Variants in ATG12 observed in about 807,000 individuals in gnomAD.
The protein encoded by ATG12 is ubiquitin-like protein ATG12.
A neutral mutation model predicts 17.6 loss-of-function variants in ATG12; 19 were observed. That is an observed-to-expected ratio of 1.08 (90% CI 0.75 to 1.58). The LOEUF (loss-of-function observed/expected upper bound fraction) is 1.58. ATG12 is among the 40% of genes most tolerant of loss of function. The pLI, the probability that ATG12 is intolerant of heterozygous loss-of-function variation, is 0.00. For synonymous variants in ATG12, 75 were observed against 62.4 expected, an observed-to-expected ratio of 1.20 and a Z score of -0.95; for missense variants, 214 against 162.0, an observed-to-expected ratio of 1.32 and a Z score of -1.74.
intron 1 of ATG12, chr5:115,840,860 C>CT (rs1405705913): frequency 7.8e-7 from 1 of 1,277,756 alleles, no homozygotes; most frequent in Non-Finnish European, 1.0e-6. Flanking sequence ...ACATCTATGC[C>CT]TTTAGCTTTC....
intron 3 of ATG12, among the ~76,000 whole-genome samples, chr5:115,832,167 A>G (rs1406808315): frequency 1.3e-5 from 2 of 151,558 alleles, no homozygotes; most frequent in Non-Finnish European, 2.9e-5. Flanking sequence ...TAGTGGTGCT[A>G]GTATGTGTAC....
chr5:115,834,499 G>C (rs1761010255), intron 2 of ATG12: 1 of 152,212 alleles, frequency 6.6e-6, no homozygotes, highest in African/African-American at 2.4e-5. Flanking sequence ...AACTTGGGCA[G>C]ACAAAATTAG....
At chr5:115,839,462 G>A (rs1238620626) in intron 1 of ATG12, 1 of 152,100 alleles carries the variant, frequency 6.6e-6, no homozygotes, top group African/African-American at 2.4e-5. Context: ...ATCCCCTGGG[G>A]CTATCAATAA....
At position 115,841,449 on chromosome 5, in the gene ATG12, G is replaced by T. The variant is rs767053680; in HGVS notation, c.104C>A (p.Pro35Gln). The change falls in exon 1 of 4, where the codon CCG (proline) becomes CAG (glutamine). Residue 35 changes from proline to glutamine, a missense_variant. Coordinates refer to ENST00000509910, the MANE Select transcript of ATG12 (RefSeq NM_004707.4). ...TCCCGGGGAAACTGCAGCGGAAGAC[G>T]GGGGCTCCGGGGTGGTTGTTTCTGG... The part of the protein sequence containing the change: ...VSPETTTPEP[P>Q]SSAAVSPGTE... 1 of 1,609,652 alleles carries T rather than the reference G, an allele frequency of 6.2e-7. No homozygotes were observed. The highest frequency in any genetic ancestry group is 1.3e-5 in the African/African-American group (1 of 74,148).
intron 2 of ATG12, 100 bp downstream of exon 2, chr5:115,837,528 T>C (rs1761156611): frequency 2.4e-6 from 3 of 1,241,678 alleles, no homozygotes; most frequent in Admixed American, 4.5e-5. Context: ...AAAAGCGACA[T>C]ATGTGGCTCC....
intron 3 of ATG12, 35 bp from the exon 4 acceptor site, chr5:115,831,898 CT>C (rs3215095): frequency 0.48 from 758,465 of 1,572,156 alleles, 191,430 homozygotes; most frequent in African/African-American, 0.82. Flanking sequence ...CAAACTCAAT[CT>C]TTTATTATTC....
intron 2 of ATG12, among the ~76,000 whole-genome samples, chr5:115,835,530 C>A (rs946126119): frequency 5.3e-5 from 8 of 152,066 alleles, no homozygotes; most frequent in Non-Finnish European, 1.2e-4. Flanking sequence ...CATGTCCCTA[C>A]CCTTTTCAAT....
chr5:115,841,004 G>T, intron 1 of ATG12: 1 of 677,410 alleles, frequency 1.5e-6, no homozygotes, highest in Non-Finnish European at 2.3e-6. Context: ...CTTTGCCAAT[G>T]ACCACCCCTA....
chr5:115,832,571 CTTTTTTTTTTTTTTT>C lies in ATG12; in HGVS notation c.363+16_363+30del, dbSNP rs35310189. 3.5e-4 allele frequency: 283 copies of C among 802,438 alleles called. No homozygotes were observed. Among genetic ancestry groups the C allele is most frequent in the East Asian group, 8.5e-4 (13 of 15,254 alleles). 49.7% of individuals were successfully genotyped at this position (802,438 alleles called of 1,614,324 possible). On this transcript the variant is annotated intron_variant, in intron 3 of 3. Coordinates refer to ENST00000509910, the MANE Select transcript of ATG12 (RefSeq NM_004707.4). ...AAGAAAAAAAAGCAGTAATTTCTTT[CTTTTTTTTTTTTTTT>C]TTTTTTTTTTTTTACCTCATAGAGA...
rs1760740520 is a variant in ATG12 at position 115,828,765 on chromosome 5, T to C, written c.*3039A>G. 1 of 152,212 alleles carries C rather than the reference T, an allele frequency of 6.6e-6. No individual in the cohort carries two copies. The highest frequency in any genetic ancestry group is 1.5e-5 in the Non-Finnish European group (1 of 68,020). 9.4% of individuals were successfully genotyped at this position (152,212 alleles called of 1,614,324 possible). ...CTAATTATTTACATATAAGGAAATG[T>C]ACTAAGTATTATGTGTGTGTGGGTA... On this transcript the variant is annotated 3_prime_UTR_variant, in exon 4 of 4. Transcript: ENST00000509910.
intron 2 of ATG12, chr5:115,833,051 T>A (rs1012673163): frequency 6.2e-6 from 1 of 160,612 alleles, no homozygotes; most frequent in African/African-American, 2.4e-5. Flanking sequence ...AATCAATATG[T>A]CTAATATTCA....
In ATG12 at chr5:115,829,646, C is replaced by T. The variant is rs984477849; in HGVS notation, c.*2158G>A. 1 of 152,032 alleles carries T rather than the reference C, an allele frequency of 6.6e-6. No individual in the cohort carries two copies. The highest frequency in any genetic ancestry group is 1.5e-5 in the Non-Finnish European group (1 of 67,994). 9.4% of individuals were successfully genotyped at this position (152,032 alleles called of 1,614,324 possible). The stretch of plus-strand genomic sequence containing the variant: ...ATATCACCTGAATGTTCAGTTTTTC[C>T]CCCAAGTTTAATCAGACTTGAGAGT... On this transcript the variant is annotated 3_prime_UTR_variant, in exon 4 of 4. Transcript: ENST00000509910.
chr5:115,837,210 C>T (rs1015133432), intron 2 of ATG12, among the ~76,000 whole-genome samples: 4 of 152,054 alleles, frequency 2.6e-5, no homozygotes, highest in Non-Finnish European at 5.9e-5. Context: ...TCAGAATTCC[C>T]CAGAGAATCC....
intron 3 of ATG12, 26 bp from the exon 4 acceptor site, chr5:115,831,889 A>C (rs1199121895): frequency 6.5e-7 from 1 of 1,544,188 alleles, no homozygotes; most frequent in Admixed American, 1.9e-5. Flanking sequence ...GCAATAAATC[A>C]AACTCAATCT....
Position 115,828,355 on chromosome 5 carries a change from A to C in ATG12, c.*3449T>G, listed in dbSNP as rs1760721883. On this transcript the variant is annotated 3_prime_UTR_variant, in exon 4 of 4. Transcript: ENST00000509910. ...ATGGCCCCCTAAAAGTGATATACCA[A>C]CTCATATTCTATTCACCAAAATATG... is the stretch of plus-strand genomic sequence containing the variant. The C allele has an allele frequency of 6.6e-6, 1 of 152,204 alleles. No homozygotes were observed. The highest frequency in any genetic ancestry group is 2.4e-5 in the African/African-American group (1 of 41,456). The allele number at this position is 152,204 out of a possible 1,614,324, so 9.4% of individuals were successfully genotyped here.
intron 1 of ATG12, 63 bp from the exon 2 acceptor site, chr5:115,837,827 A>G: frequency 7.3e-7 from 1 of 1,365,524 alleles, no homozygotes; most frequent in South Asian, 1.5e-5. Context: ...AATGGAATAT[A>G]AAAGACTTAG....
At chr5:115,835,922 T>G (rs963189579) in intron 2 of ATG12, among the ~76,000 whole-genome samples, 1 of 151,806 alleles carries the variant, frequency 6.6e-6, no homozygotes, top group Non-Finnish European at 1.5e-5. Flanking sequence ...TAATCAGGGG[T>G]TTTTGGTTTT....
At position 115,830,905 on chromosome 5, in the gene ATG12, T is replaced by C. The variant is rs919772159; in HGVS notation, c.*899A>G. 1.3e-5 allele frequency: 2 copies of C among 152,224 alleles called. No individual in the cohort carries two copies. Among genetic ancestry groups the C allele is most frequent in the African/African-American group, 2.4e-5 (1 of 41,458 alleles). 9.4% of individuals were successfully genotyped at this position (152,224 alleles called of 1,614,324 possible). A position where few individuals can be genotyped will look rare whatever the true frequency, so the allele number is the denominator to read the frequency against. Reference sequence around the variant, plus strand: ...TCACTTCAAGAAATTATCAGTCTAATAGCATCAGTAAAAATGGCACTTTTA... The same window carrying C: ...TCACTTCAAGAAATTATCAGTCTAACAGCATCAGTAAAAATGGCACTTTTA... On this transcript the variant is annotated 3_prime_UTR_variant, in exon 4 of 4. Coordinates refer to ENST00000509910, the MANE Select transcript of ATG12 (RefSeq NM_004707.4).
chr5:115,841,405 C>T lies in ATG12; in HGVS notation c.148G>A (p.Asp50Asn). Residue 50 changes from aspartate (D) to asparagine (N), a missense_variant, in exon 1 of 4, where the codon GAC (aspartate) becomes AAC (asparagine). Asp to Asn is a conservative substitution (Grantham distance 23, BLOSUM62 1). Coordinates refer to ENST00000509910, the MANE Select transcript of ATG12 (RefSeq NM_004707.4). ...ATTCAGTTACTTTTTTTCTTGGTGT[C>T]GCCAGCAGGTTCCTCTGTTCCCGGG... is the stretch of plus-strand genomic sequence containing the variant. The part of the protein sequence containing the change: ...VSPGTEEPAG[D>N]TKKKIDILLK... 1 of 1,610,762 alleles carries T rather than the reference C, an allele frequency of 6.2e-7. No individual in the cohort carries two copies. The highest frequency in any genetic ancestry group is 8.5e-7 in the Non-Finnish European group (1 of 1,179,330).
Sources: allele counts gnomAD v4.1 joint callset (sites outside exome capture counted in the v4.1 genomes callset), GRCh38; gene constraint gnomAD v4.1.1; transcripts MANE v1.5; gene names NCBI Gene and HGNC (gene_info 2026-07-23, HGNC 2026-07-21).